DCDC2: variants seen among roughly 807,000 people sequenced by gnomAD.
DCDC2 encodes the protein doublecortin domain-containing protein 2.
In DCDC2, 40 loss-of-function variants were observed where a neutral mutation model predicts 50.2. That is an observed-to-expected ratio of 0.80 (90% confidence interval 0.62 to 1.04). The LOEUF (loss-of-function observed/expected upper bound fraction) is 1.04, where lower values mean the gene tolerates loss of function less well. Among genes scored for constraint, DCDC2 ranks in the 50% least tolerant of loss-of-function variants. DCDC2 has a pLI of 0.00. For synonymous variants in DCDC2, 234 were observed against 210.6 expected, an observed-to-expected ratio of 1.11 and a Z score of -0.96; for missense variants, 570 against 581.9, an observed-to-expected ratio of 0.98 and a Z score of 0.21.
chr6:24,332,460 C>CCACTCATG (rs1288030920), intron 2 of DCDC2, among the ~76,000 whole-genome samples: 2 of 152,170 alleles, frequency 1.3e-5, no homozygotes, highest in East Asian at 3.9e-4. Context: ...ACATTAGTCA[C>CCACTCATG]CACTCATGCA....
chr6:24,358,899 AATATATT>A (rs1554121667), upstream of DCDC2, among the ~76,000 whole-genome samples: 1 of 21,498 alleles, frequency 4.7e-5, no homozygotes, highest in Admixed American at 1.0e-3. Flanking sequence ...TTATATATAT[AATATATT>A]ATATATTATA....
At chr6:24,231,489 CA>C (rs1486420261) in intron 7 of DCDC2, among the ~76,000 whole-genome samples, 1 of 152,166 alleles carries the variant, frequency 6.6e-6, no homozygotes, top group African/African-American at 2.4e-5. Flanking sequence ...AAAGGATATA[CA>C]CCTGTTTCTG....
chr6:24,334,559 T>C (rs1375541387), intron 2 of DCDC2, among the ~76,000 whole-genome samples: 1 of 152,214 alleles, frequency 6.6e-6, no homozygotes, highest in Non-Finnish European at 1.5e-5. Context: ...AGTGACTATA[T>C]GGCCTGCAAA....
In DCDC2 at chr6:24,280,368, G is replaced by GT. The variant is rs1250931728; in HGVS notation, c.760-2158dup. ...ATTATTATGGTCACTGCAACCAGGG[G>GT]TTTTTTTTTTTTTTCTTTTCTTTGA... On this transcript the variant is annotated intron_variant, in intron 6 of 9. Transcript: ENST00000378454. Among the ~76,000 whole-genome samples the GT allele has an allele frequency of 3.7e-3, 513 of 140,508 alleles. 1 individual carries two copies. The highest frequency in any genetic ancestry group is 4.6e-3 in the African/African-American group (176 of 38,548). The allele number at this position is 140,508 out of a possible 152,430, so 92.2% of individuals were successfully genotyped here.
intron 8 of DCDC2, among the ~76,000 whole-genome samples, chr6:24,189,664 G>A (rs1465376905): frequency 1.3e-5 from 2 of 152,080 alleles, no homozygotes; most frequent in African/African-American, 4.8e-5. Context: ...ATTTTTTAGT[G>A]AAGATATCCT....
intron 2 of DCDC2, among the ~76,000 whole-genome samples, chr6:24,321,268 T>C (rs919098922): frequency 1.5e-4 from 23 of 152,226 alleles, no homozygotes; most frequent in Admixed American, 2.6e-4. Flanking sequence ...GAACCATCAA[T>C]GGATGCTAAA....
the DCDC2 span, among the ~76,000 whole-genome samples, chr6:24,366,627 G>C: frequency 6.6e-6 from 1 of 152,194 alleles, no homozygotes; most frequent in Non-Finnish European, 1.5e-5. Context: ...AGGAAGAAGG[G>C]ATGCACCTTG....
intron 8 of DCDC2, among the ~76,000 whole-genome samples, chr6:24,202,934 T>C (rs1761620289): frequency 6.6e-6 from 1 of 152,110 alleles, no homozygotes; most frequent in Non-Finnish European, 1.5e-5. Flanking sequence ...ACAAGAGATG[T>C]GAAGGCCCTC....
In DCDC2 at chr6:24,178,432, G is replaced by T. The variant is rs763861048; in HGVS notation, c.1224C>A (p.Thr408=). The T allele has an allele frequency of 3.7e-6, 6 of 1,614,092 alleles. No individual in the cohort carries two copies. In the Admixed American group the frequency reaches 1.0e-4, roughly 27 times the overall value. ...QARPARVNGG[T]DEENGEELQQ... Reference sequence around the variant, plus strand: ...GCAGCTCCTCACCATTCTCCTCATCGGTGCCTCCATTTACACGAGCAGGGC... The same window carrying T: ...GCAGCTCCTCACCATTCTCCTCATCTGTGCCTCCATTTACACGAGCAGGGC... Residue 408 remains threonine, a synonymous_variant, in exon 9 of 10, where the codon ACC becomes ACA. Coordinates refer to ENST00000378454, the MANE Select transcript of DCDC2 (RefSeq NM_016356.5).
intron 8 of DCDC2, among the ~76,000 whole-genome samples, chr6:24,196,388 ATAAG>A (rs1395309383): frequency 1.3e-5 from 2 of 152,166 alleles, no homozygotes; most frequent in Non-Finnish European, 2.9e-5. Context: ...AGGTAGATAG[ATAAG>A]TAGGTAGATA....
Position 24,174,732 on chromosome 6 carries a change from A to T in DCDC2, c.1429T>A (p.Ter477LysextTer14). The T allele has an allele frequency of 6.2e-7, 1 of 1,609,244 alleles. No homozygotes were observed. Among genetic ancestry groups the T allele is most frequent in the Non-Finnish European group, 8.5e-7 (1 of 1,176,266 alleles). ...TATACTCTCTTTTTAAAAATGTTCT[A>T]AGCCACGGCAGCATAGTCCTTGTTT... ...QQNKDYAAVA[*>K] Residue 477 changes from the stop codon to lysine (K), a stop_lost, in exon 10 of 10, where the codon TAG (stop) becomes AAG (lysine). Coordinates refer to ENST00000378454, the MANE Select transcript of DCDC2 (RefSeq NM_016356.5).
the DCDC2 span, among the ~76,000 whole-genome samples, chr6:24,369,096 T>C: frequency 1.5e-5 from 2 of 130,022 alleles, no homozygotes; most frequent in Non-Finnish European, 3.1e-5. Flanking sequence ...ATCATGCCAC[T>C]GCACTCCAGC....
At chr6:24,238,744 A>C (rs1762505975) in intron 7 of DCDC2, among the ~76,000 whole-genome samples, 1 of 152,224 alleles carries the variant, frequency 6.6e-6, no homozygotes, top group South Asian at 2.1e-4. Context: ...AAATACCTAA[A>C]GGATTATCAG....
intron 8 of DCDC2, among the ~76,000 whole-genome samples, chr6:24,194,246 T>A (rs965395929): frequency 6.6e-6 from 1 of 152,134 alleles, no homozygotes; most frequent in Non-Finnish European, 1.5e-5. Context: ...TAAAAACTTG[T>A]ACAATTCTGA....
intron 7 of DCDC2, among the ~76,000 whole-genome samples, chr6:24,227,391 A>G (rs1430093879): frequency 6.6e-6 from 1 of 152,184 alleles, no homozygotes; most frequent in Non-Finnish European, 1.5e-5. Context: ...TCCAGGTAGG[A>G]ATTAGAAATA....
intron 2 of DCDC2, among the ~76,000 whole-genome samples, chr6:24,312,188 C>T (rs184686967): frequency 2.0e-5 from 3 of 147,734 alleles, no homozygotes; most frequent in Admixed American, 1.4e-4. Flanking sequence ...CTACCCAAAT[C>T]CTGTAAAACT....
chr6:24,300,518 T>C (rs149231012), intron 4 of DCDC2, among the ~76,000 whole-genome samples: 232 of 152,354 alleles, frequency 1.5e-3, no homozygotes, highest in African/African-American at 5.2e-3. Context: ...TATATCGTAT[T>C]TGAATTTTTT....
At chr6:24,210,515 C>A (rs1475296958) in intron 7 of DCDC2, among the ~76,000 whole-genome samples, 3 of 152,172 alleles carry the variant, frequency 2.0e-5, no homozygotes, top group Non-Finnish European at 2.9e-5. Flanking sequence ...GTTTCTATAT[C>A]CATTCCATTG....
intron 2 of DCDC2, among the ~76,000 whole-genome samples, chr6:24,312,042 C>T (rs1759580131): frequency 6.6e-6 from 1 of 152,104 alleles, no homozygotes. Context: ...GTTCCTGCCC[C>T]ACCCTAACTG....
Sources: gnomAD v4.1 joint callset for allele counts (sites outside exome capture counted in the v4.1 genomes callset) on GRCh38, gnomAD v4.1.1 for gene constraint, MANE v1.5 for transcripts, NCBI Gene and HGNC (gene_info 2026-07-23, HGNC 2026-07-21) for gene names.